The following PTBP3 variants were observed in gnomAD, a reference collection of about 807,000 sequenced individuals.
PTBP3 encodes the protein polypyrimidine tract-binding protein 3.
Under a neutral mutation model 58.7 loss-of-function variants are expected in PTBP3, and 20 were observed. That is an observed-to-expected ratio of 0.34 (90% CI 0.24 to 0.50). PTBP3 has a LOEUF of 0.50. Ranked by LOEUF, PTBP3 falls within the 20% of genes least tolerant of loss-of-function variation. PTBP3 has a pLI of 0.98. For missense variants in PTBP3, 509 were observed against 637.2 expected (o/e 0.80, Z 2.17); for synonymous variants, 185 against 219.8 (o/e 0.84, Z 1.40).
the PTBP3 span, among the ~76,000 whole-genome samples, chr9:112,365,027 A>C: frequency 6.6e-6 from 1 of 152,208 alleles, no homozygotes; most frequent in Non-Finnish European, 1.5e-5. Context: ...TTCCACACAT[A>C]AGTGAGATCA....
the PTBP3 span, among the ~76,000 whole-genome samples, chr9:112,361,178 C>T: frequency 6.6e-6 from 1 of 152,186 alleles, no homozygotes; most frequent in South Asian, 2.1e-4. Flanking sequence ...CTTACTGAAA[C>T]CTCTGCCTCC....
At chr9:112,226,151 T>C (rs1438689795) in intron 12 of PTBP3, among the ~76,000 whole-genome samples, 2 of 152,086 alleles carry the variant, frequency 1.3e-5, no homozygotes, top group African/African-American at 4.8e-5. Context: ...AATGAGCTGC[T>C]AAATTTCTCG....
At chr9:112,252,513 A>T in intron 6 of PTBP3, 165 bp downstream of exon 6, 1 of 500,452 alleles carries the variant, frequency 2.0e-6, no homozygotes, top group Non-Finnish European at 3.3e-6. Flanking sequence ...AATGATTTTT[A>T]GCTTAGAAAA....
At chr9:112,286,192 G>T (rs564299522) in intron 2 of PTBP3, among the ~76,000 whole-genome samples, 2 of 152,186 alleles carry the variant, frequency 1.3e-5, no homozygotes, top group South Asian at 2.1e-4. Context: ...TTTTACCTGA[G>T]ATTTCATATT....
Position 112,222,906 on chromosome 9 carries a change from C to T in PTBP3, c.*945G>A. On this transcript the variant is annotated 3_prime_UTR_variant, in exon 14 of 14. Coordinates refer to ENST00000374257, the MANE Select transcript of PTBP3 (RefSeq NM_001163788.4). ...ATTTTTTTCTAAAAGAAGACCTTAC[C>T]AAAAATAACTTTTAAAAAATCTGTC... The T allele has an allele frequency of 4.6e-6, 4 of 878,676 alleles. No homozygotes were observed. Among genetic ancestry groups the T allele is most frequent in the South Asian group, 5.3e-5 (1 of 19,032 alleles). The allele number at this position is 878,676 out of a possible 1,614,324, so 54.4% of individuals were successfully genotyped here.
upstream of PTBP3, among the ~76,000 whole-genome samples, chr9:112,337,642 G>C (rs1183216546): frequency 6.6e-6 from 1 of 152,200 alleles, no homozygotes; most frequent in Non-Finnish European, 1.5e-5. Context: ...AAGGAAGACA[G>C]ATACAAATAA....
chr9:112,329,915 C>T (rs1341371910), intron 1 of PTBP3, among the ~76,000 whole-genome samples: 1 of 150,478 alleles, frequency 6.6e-6, no homozygotes, highest in Non-Finnish European at 1.5e-5. Flanking sequence ...GACACGGTCA[C>T]ACTCACTGCA....
chr9:112,320,314 A>ATATATATATTTTTTTT, intron 1 of PTBP3, among the ~76,000 whole-genome samples: 85 of 75,670 alleles, frequency 1.1e-3, no homozygotes, highest in Non-Finnish European at 1.5e-3. Flanking sequence ...ATATATATAT[A>ATATATATATTTTTTTT]TTTTTTTTTA....
At chr9:112,373,026 C>T in the PTBP3 span, among the ~76,000 whole-genome samples, 1 of 20,428 alleles carries the variant, frequency 4.9e-5, no homozygotes, top group African/African-American at 2.1e-4. Context: ...TTCCAAGTAG[C>T]TGGGACTACA....
At chr9:112,336,437 G>T (rs777336666), upstream of PTBP3, among the ~76,000 whole-genome samples, 8 of 151,048 alleles carry the variant, frequency 5.3e-5, no homozygotes, top group Non-Finnish European at 7.4e-5. Flanking sequence ...TAAATTTTTT[G>T]AAAATGATTC....
chr9:112,342,916 C>A, the PTBP3 span, among the ~76,000 whole-genome samples: 1 of 152,176 alleles, frequency 6.6e-6, no homozygotes, highest in East Asian at 1.9e-4. Flanking sequence ...TGAACTCAAA[C>A]TCCCATGCTC....
chr9:112,275,944 A>G lies in PTBP3; in HGVS notation c.104T>C (p.Leu35Pro). The G allele has an allele frequency of 6.2e-7, 1 of 1,613,772 alleles. No homozygotes were observed. The highest frequency in any genetic ancestry group is 8.5e-7 in the Non-Finnish European group (1 of 1,179,664). The change falls in exon 3 of 14, where the codon CTT becomes CCT. Residue 35 changes from leucine to proline, a missense_variant. By Grantham distance (98) the Leu-to-Pro change is moderately conservative. Coordinates refer to ENST00000374257, the MANE Select transcript of PTBP3 (RefSeq NM_001163788.4). ...GGTGACATCACATGGAATTTTTCGA[A>G]GATGGAGAACACGGGAAGGCGAACA... Reference protein sequence around the residue: ...PPCSPSRVLHLRKIPCDVTEA... With the variant: ...PPCSPSRVLHPRKIPCDVTEA...
chr9:112,339,698 G>A, the PTBP3 span, among the ~76,000 whole-genome samples: 15 of 151,512 alleles, frequency 9.9e-5, no homozygotes, highest in Admixed American at 7.9e-4. Flanking sequence ...CAAGTAGCTG[G>A]GATTACAGGT....
chr9:112,302,250 A>G (rs1828966254), intron 1 of PTBP3, among the ~76,000 whole-genome samples: 2 of 152,232 alleles, frequency 1.3e-5, no homozygotes, highest in Non-Finnish European at 2.9e-5. Flanking sequence ...AAGGGATACA[A>G]CAGCTCAAGG....
chr9:112,281,329 A>G (rs921546027), intron 2 of PTBP3: 1 of 157,890 alleles, frequency 6.3e-6, no homozygotes, highest in Non-Finnish European at 1.4e-5. Flanking sequence ...TTCTGTAAGC[A>G]TAATGCCTAT....
intron 10 of PTBP3, among the ~76,000 whole-genome samples, chr9:112,230,101 T>C (rs932157632): frequency 3.9e-5 from 6 of 152,192 alleles, no homozygotes; most frequent in Non-Finnish European, 7.4e-5. Context: ...TACAAAAATC[T>C]TGAGTTGTAA....
At chr9:112,232,501 T>C (rs1445887115) in intron 8 of PTBP3, among the ~76,000 whole-genome samples, 1 of 152,202 alleles carries the variant, frequency 6.6e-6, no homozygotes, top group Non-Finnish European at 1.5e-5. Context: ...CCTAACGCTA[T>C]TAGGCTTTTC....
chr9:112,225,320 T>C (rs940007248), intron 12 of PTBP3, among the ~76,000 whole-genome samples: 5 of 101,650 alleles, frequency 4.9e-5, no homozygotes, highest in Admixed American at 1.8e-4. Context: ...GTTTCATTAA[T>C]ACAATGAAAA....
At chr9:112,356,772 G>A in the PTBP3 span, among the ~76,000 whole-genome samples, 1 of 134,580 alleles carries the variant, frequency 7.4e-6, no homozygotes, top group Non-Finnish European at 1.6e-5. Context: ...AGACTCAAGA[G>A]GCTTTTGAGA....
Sources: allele counts gnomAD v4.1 joint callset (sites outside exome capture counted in the v4.1 genomes callset), GRCh38; gene constraint gnomAD v4.1.1; transcripts MANE v1.5; gene names NCBI Gene and HGNC (gene_info 2026-07-23, HGNC 2026-07-21).